The following AGPAT3 variants were observed in gnomAD, a reference collection of about 807,000 sequenced individuals.
AGPAT3 encodes the protein 1-acyl-sn-glycerol-3-phosphate acyltransferase gamma.
AGPAT3 carries 5 observed loss-of-function variants against 47.3 expected under a neutral mutation model. The observed-to-expected ratio is 0.11, with a 90% CI of 0.06 to 0.22. The LOEUF is 0.22. Ranked by LOEUF, AGPAT3 falls within the 10% of genes least tolerant of loss-of-function variation. The pLI, the probability that AGPAT3 is intolerant of heterozygous loss-of-function variation, is 1.00. For synonymous variants in AGPAT3, 212 were observed against 208.3 expected, an observed-to-expected ratio of 1.02 and a Z score of -0.15; for missense variants, 315 against 493.0, an observed-to-expected ratio of 0.64 and a Z score of 3.42.
chr21:43,913,128 A>G (rs1035496166), intron 2 of AGPAT3, among the ~76,000 whole-genome samples: 45 of 152,228 alleles, frequency 3.0e-4, no homozygotes, highest in Middle Eastern at 3.2e-3. Context: ...TTGTTAGTCA[A>G]TTTCCTCATA....
At chr21:43,915,727 T>A (rs1022019002) in intron 2 of AGPAT3, among the ~76,000 whole-genome samples, 4 of 152,142 alleles carry the variant, frequency 2.6e-5, no homozygotes, top group East Asian at 1.9e-4. Flanking sequence ...TAGCTTTTTT[T>A]AAAAACTGCT....
chr21:43,886,653 T>C (rs1216139086), intron 1 of AGPAT3, among the ~76,000 whole-genome samples: 3 of 152,186 alleles, frequency 2.0e-5, no homozygotes, highest in African/African-American at 7.2e-5. Flanking sequence ...ATGAGTTCAG[T>C]TGTTTTGATT....
At chr21:43,875,531 T>C (rs2085715134) in intron 1 of AGPAT3, among the ~76,000 whole-genome samples, 1 of 152,248 alleles carries the variant, frequency 6.6e-6, no homozygotes, top group African/African-American at 2.4e-5. Context: ...CTTTTTATGC[T>C]TCATTCCAGG....
At position 43,982,291 on chromosome 21, in the gene AGPAT3, C is replaced by T. The variant is rs1457120242; in HGVS notation, c.1043-13C>T. The T allele has an allele frequency of 1.0e-5, 16 of 1,605,680 alleles. No homozygotes were observed. The highest frequency in any genetic ancestry group is 1.3e-5 in the Non-Finnish European group (15 of 1,174,098). ...TCCGTCTCACCTCTTCTCTCTCTCTCCTGTCTTGAAAGCTTCCTTTGGAGT... is the reference window on the plus strand; with the variant it reads ...TCCGTCTCACCTCTTCTCTCTCTCTTCTGTCTTGAAAGCTTCCTTTGGAGT... On this transcript the variant is annotated splice_polypyrimidine_tract_variant and intron_variant, in intron 9 of 9. Coordinates refer to ENST00000291572, the MANE Select transcript of AGPAT3 (RefSeq NM_020132.5). The surrounding 1 kb of genome is among the most constrained non-coding windows in gnomAD (Gnocchi z 6.2).
chr21:43,974,218 TTATC>T (rs148670681), intron 7 of AGPAT3, among the ~76,000 whole-genome samples: 38,700 of 151,912 alleles, frequency 0.25, 4,941 homozygotes, highest in Admixed American at 0.31. Flanking sequence ...TGCATATAAA[TTATC>T]TATGTGTGTA....
At position 43,970,711 on chromosome 21, in the gene AGPAT3, A is replaced by G; in HGVS notation, c.569A>G (p.Glu190Gly). The part of the protein sequence containing the change: ...FTETKHRVSM[E>G]VAAAKGLPVL... ...GAGACCAAGCACCGCGTTAGCATGGAGGTGGCGGCTGCTAAGGGGCTTCCT... is the reference window on the plus strand; with the variant it reads ...GAGACCAAGCACCGCGTTAGCATGGGGGTGGCGGCTGCTAAGGGGCTTCCT... Residue 190 changes from glutamate to glycine, a missense_variant, in exon 6 of 10, where the codon GAG (glutamate) becomes GGG (glycine). Coordinates refer to ENST00000291572, the MANE Select transcript of AGPAT3 (RefSeq NM_020132.5). The surrounding 1 kb of genome is among the most constrained non-coding windows in gnomAD (Gnocchi z 5.8). 1 of 1,613,700 alleles carries G rather than the reference A, an allele frequency of 6.2e-7. No homozygotes were observed. Among genetic ancestry groups the G allele is most frequent in the Non-Finnish European group, 8.5e-7 (1 of 1,179,712 alleles).
intron 2 of AGPAT3, among the ~76,000 whole-genome samples, chr21:43,905,999 A>C (rs188916702): frequency 6.6e-6 from 1 of 152,304 alleles, no homozygotes; most frequent in African/African-American, 2.4e-5. Context: ...GCATCAGCAG[A>C]CCTCTCCCAG....
At chr21:43,904,728 C>T (rs758216405) in intron 2 of AGPAT3, among the ~76,000 whole-genome samples, 30 of 152,200 alleles carry the variant, frequency 2.0e-4, no homozygotes, top group Non-Finnish European at 2.8e-4. Context: ...GTTCCACCCC[C>T]GTTCCCAGGC....
chr21:43,958,312 A>C (rs775379143), intron 2 of AGPAT3, among the ~76,000 whole-genome samples: 2 of 151,380 alleles, frequency 1.3e-5, no homozygotes, highest in Non-Finnish European at 2.9e-5. Context: ...ATGAGTGTGC[A>C]TGGGGTGGGG....
chr21:43,962,739 G>A (rs2088937023), intron 3 of AGPAT3, among the ~76,000 whole-genome samples: 1 of 152,214 alleles, frequency 6.6e-6, no homozygotes, highest in Non-Finnish European at 1.5e-5. Flanking sequence ...ACAAGCTAGG[G>A]TTAACAGTGA....
At chr21:43,927,912 C>G (rs1190436781) in intron 2 of AGPAT3, among the ~76,000 whole-genome samples, 1 of 152,092 alleles carries the variant, frequency 6.6e-6, no homozygotes, top group African/African-American at 2.4e-5. Flanking sequence ...GTACCCCAGC[C>G]TATAGGAGGC....
chr21:43,960,738 TAC>T, intron 3 of AGPAT3: 1 of 985,438 alleles, frequency 1.0e-6, no homozygotes, highest in Non-Finnish European at 1.2e-6. Flanking sequence ...ATCTTGCCCG[TAC>T]AGTTTTAAGC....
At chr21:43,910,451 A>AGGTGAATTAGGTGAATT (rs1317541859) in intron 2 of AGPAT3, among the ~76,000 whole-genome samples, 4 of 152,232 alleles carry the variant, frequency 2.6e-5, no homozygotes, top group African/African-American at 4.8e-5. Flanking sequence ...GTCCTAATAC[A>AGGTGAATTAGGTGAATT]GGTGAATTAG....
rs1394463264 is a variant in AGPAT3, at chr21:43,955,157, C to T, written c.-48-4477C>T. The T allele has an allele frequency of 1.6e-6, 2 of 1,276,790 alleles. No homozygotes were observed. Among genetic ancestry groups the T allele is most frequent in the South Asian group, 1.3e-5 (1 of 79,200 alleles). The allele number at this position is 1,276,790 out of a possible 1,614,324, so 79.1% of individuals were successfully genotyped here. ...AGCAGCCACGGATGCGCCCTGGGTG[C>T]TGTCCCGGGGCCGTCTCAGAAGCAC... On this transcript the variant is annotated intron_variant, in intron 2 of 9. Transcript: ENST00000291572. This position sits in a 1 kb window ranked among gnomAD's most constrained non-coding sequence, Gnocchi z 4.1.
intron 2 of AGPAT3, among the ~76,000 whole-genome samples, chr21:43,945,147 A>C (rs960607945): frequency 2.6e-5 from 4 of 152,216 alleles, no homozygotes; most frequent in Admixed American, 2.6e-4. Context: ...GGCGGTTTGC[A>C]TATGTGCACA....
In AGPAT3 at chr21:43,981,211, C is replaced by A; in HGVS notation, c.1042+24C>A. 1 of 1,611,804 alleles carries A rather than the reference C, an allele frequency of 6.2e-7. No homozygotes were observed. The highest frequency in any genetic ancestry group is 8.5e-7 in the Non-Finnish European group (1 of 1,178,008). ...AGGTAATGGACACTGTCGCTAACAG[C>A]TCACACTCTGACGGGCCTCACAGTA... On this transcript the variant is annotated intron_variant, in intron 9 of 9. Transcript: ENST00000291572. The surrounding 1 kb of genome is among the most constrained non-coding windows in gnomAD (Gnocchi z 5.3).
At chr21:43,943,674 G>C (rs947898694) in intron 2 of AGPAT3, among the ~76,000 whole-genome samples, 1 of 152,134 alleles carries the variant, frequency 6.6e-6, no homozygotes, top group Non-Finnish European at 1.5e-5. Flanking sequence ...GGCCTCAGCC[G>C]CCACGGCCTG....
Position 43,903,957 on chromosome 21 carries a change from G to C in AGPAT3, c.-111G>C, listed in dbSNP as rs1318294701. Reference sequence around the variant, plus strand: ...TGACATGTGTGCCTTTCACTTTCAGGCTTGTCCAGCCGGAAGCCCTGAGGG... The same window carrying C: ...TGACATGTGTGCCTTTCACTTTCAGCCTTGTCCAGCCGGAAGCCCTGAGGG... On this transcript the variant is annotated splice_region_variant and 5_prime_UTR_variant, in exon 2 of 10. Transcript: ENST00000291572. 1 of 152,354 alleles carries C rather than the reference G, an allele frequency of 6.6e-6. No homozygotes were observed. Among genetic ancestry groups the C allele is most frequent in the Non-Finnish European group, 1.5e-5 (1 of 68,066 alleles). The allele number at this position is 152,354 out of a possible 1,614,324, so 9.4% of individuals were successfully genotyped here.
At chr21:43,968,821 C>G (rs954459953) in intron 4 of AGPAT3, among the ~76,000 whole-genome samples, 1 of 152,154 alleles carries the variant, frequency 6.6e-6, no homozygotes, top group Non-Finnish European at 1.5e-5. Context: ...AGTCAAAGCC[C>G]CTGTGTGAGG....
Sources: allele counts gnomAD v4.1 joint callset (sites outside exome capture counted in the v4.1 genomes callset), GRCh38; gene constraint gnomAD v4.1.1; non-coding constraint Gnocchi (gnomAD v3.1); transcripts MANE v1.5; gene names NCBI Gene and HGNC (gene_info 2026-07-23, HGNC 2026-07-21).